ZNF385D: variants seen among roughly 807,000 people sequenced by gnomAD.
ZNF385D encodes the protein zinc finger protein 385D.
Under a neutral mutation model 35.8 loss-of-function variants are expected in ZNF385D, and 15 were observed. The ratio of observed to expected loss-of-function variants is 0.42; its 90% CI spans 0.28 to 0.64. The LOEUF (loss-of-function observed/expected upper bound fraction) is 0.64, where lower values mean the gene tolerates loss of function less well. Among genes scored for constraint, ZNF385D ranks in the 30% least tolerant of loss-of-function variants. The pLI, the probability that ZNF385D is intolerant of heterozygous loss-of-function variation, is 0.23. For synonymous variants in ZNF385D, 212 were observed against 186.8 expected (o/e 1.13, Z -1.10); for missense variants, 474 against 494.6 (o/e 0.96, Z 0.39).
At chr3:22,244,752 T>C (rs904532785) in intron 2 of ZNF385D, among the ~76,000 whole-genome samples, 2 of 151,076 alleles carry the variant, frequency 1.3e-5, no homozygotes, top group African/African-American at 4.9e-5. Flanking sequence ...CTCAGGTATA[T>C]TAAAAAGTAT....
intron 3 of ZNF385D, among the ~76,000 whole-genome samples, chr3:21,988,896 A>G (rs1417430946): frequency 6.6e-6 from 1 of 152,184 alleles, no homozygotes; most frequent in Non-Finnish European, 1.5e-5. Context: ...AGCCGGTCTG[A>G]AAAGTGCAAT....
At position 21,509,841 on chromosome 3, in the gene ZNF385D, C is replaced by A. The variant is rs187441911; in HGVS notation, c.439+1020G>T. 5.9e-5 allele frequency among the ~76,000 whole-genome samples: 9 copies of A among 152,304 alleles called. No homozygotes were observed. In the East Asian group the frequency reaches 1.7e-3, roughly 29 times the overall value. On this transcript the variant is annotated intron_variant, in intron 4 of 7. Coordinates refer to ENST00000281523, the MANE Select transcript of ZNF385D (RefSeq NM_024697.3). ...GAACTAAGAATATCATTATCCCTTA[C>A]AGATTCACTTGCAGCATCCCCAGTC... is the stretch of plus-strand genomic sequence containing the variant.
chr3:21,595,488 TAATA>T (rs2064103428), intron 2 of ZNF385D, among the ~76,000 whole-genome samples: 1 of 143,768 alleles, frequency 7.0e-6, no homozygotes, highest in South Asian at 2.1e-4. Context: ...TATGTTTATG[TAATA>T]TATATGTATG....
At chr3:21,561,832 A>T (rs1448152083) in intron 3 of ZNF385D, 1 of 152,232 alleles carries the variant, frequency 6.6e-6, no homozygotes, top group African/African-American at 2.4e-5. Context: ...CATAACAGAT[A>T]TAGTAAAAAT....
intron 3 of ZNF385D, among the ~76,000 whole-genome samples, chr3:21,921,875 G>T (rs991075230): frequency 2.0e-5 from 3 of 148,292 alleles, no homozygotes; most frequent in African/African-American, 4.9e-5. Flanking sequence ...ACCAAAAGAT[G>T]CCCTAGAACA....
intron 3 of ZNF385D, among the ~76,000 whole-genome samples, chr3:21,903,043 T>C (rs1017665767): frequency 6.6e-6 from 1 of 152,124 alleles, no homozygotes; most frequent in Non-Finnish European, 1.5e-5. Context: ...GGCATGGTGA[T>C]TTGTAAGTAA....
At chr3:22,209,504 T>C (rs987150291) in intron 2 of ZNF385D, among the ~76,000 whole-genome samples, 2 of 151,898 alleles carry the variant, frequency 1.3e-5, no homozygotes, top group African/African-American at 4.8e-5. Context: ...TTAGTGTATT[T>C]ATATACTAAA....
At chr3:21,685,946 C>T (rs1323498025) in intron 1 of ZNF385D, among the ~76,000 whole-genome samples, 1 of 151,926 alleles carries the variant, frequency 6.6e-6, no homozygotes, top group Non-Finnish European at 1.5e-5. Context: ...ATGGGTGAAC[C>T]GGGAAAGAAG....
rs554080637 is a variant in ZNF385D at position 21,878,939 on chromosome 3, C to G, written c.326-213911G>C. Among the ~76,000 whole-genome samples the G allele has an allele frequency of 7.9e-5, 12 of 152,100 alleles. No homozygotes were observed. In the South Asian group the frequency reaches 2.5e-3, roughly 31 times the overall value. ...ATTTAGGTTCATACAAACCCTAAAG[C>G]TATTTTATAAAAAGAGCCATGTACA... On this transcript the variant is annotated intron_variant, in intron 3 of 5. Coordinates refer to the ZNF385D transcript ENST00000494108.
intron 3 of ZNF385D, among the ~76,000 whole-genome samples, chr3:21,795,281 C>A (rs1230496275): frequency 1.3e-5 from 2 of 152,156 alleles, no homozygotes; most frequent in Non-Finnish European, 2.9e-5. Context: ...CCCATTGGAC[C>A]TCTAATAACG....
intron 3 of ZNF385D, among the ~76,000 whole-genome samples, chr3:22,021,272 C>A (rs549748662): frequency 6.6e-6 from 1 of 152,038 alleles, no homozygotes; most frequent in East Asian, 1.9e-4. Flanking sequence ...AAAGACTCAA[C>A]ATGTGAAGCA....
At chr3:21,879,433 C>G (rs1698155176) in intron 3 of ZNF385D, among the ~76,000 whole-genome samples, 2 of 151,914 alleles carry the variant, frequency 1.3e-5, no homozygotes, top group African/African-American at 4.8e-5. Context: ...GCATTAAGAA[C>G]AGTTATGTCA....
chr3:21,889,159 G>A (rs1358475716), intron 3 of ZNF385D, among the ~76,000 whole-genome samples: 2 of 152,178 alleles, frequency 1.3e-5, no homozygotes, highest in African/African-American at 4.8e-5. Flanking sequence ...AACTAGCTGA[G>A]GCTGCTTGTA....
At chr3:21,951,138 G>T (rs947857869) in intron 3 of ZNF385D, among the ~76,000 whole-genome samples, 1 of 151,746 alleles carries the variant, frequency 6.6e-6, no homozygotes, top group African/African-American at 2.4e-5. Context: ...ACTTTGGGCA[G>T]TATGGCCATT....
At chr3:22,106,636 A>G (rs1341012352) in intron 3 of ZNF385D, among the ~76,000 whole-genome samples, 1 of 152,154 alleles carries the variant, frequency 6.6e-6, no homozygotes, top group South Asian at 2.1e-4. Context: ...CAGAAAGCCA[A>G]GCCGTCAACC....
intron 2 of ZNF385D, among the ~76,000 whole-genome samples, chr3:22,253,271 A>G (rs374267716): frequency 2.6e-4 from 40 of 152,118 alleles, no homozygotes; most frequent in South Asian, 1.0e-3. Context: ...AGGATGGGAA[A>G]AAGTTAGGAC....
intron 3 of ZNF385D, among the ~76,000 whole-genome samples, chr3:21,513,392 TAAAATGC>T (rs1000509005): frequency 3.9e-5 from 6 of 152,080 alleles, no homozygotes; most frequent in African/African-American, 7.2e-5. Context: ...CTTAATATCT[TAAAATGC>T]AAAATGCAAA....
chr3:21,992,491 C>T (rs1286883183), intron 3 of ZNF385D, among the ~76,000 whole-genome samples: 1 of 151,950 alleles, frequency 6.6e-6, no homozygotes, highest in East Asian at 1.9e-4. Flanking sequence ...TCAACTCTTC[C>T]CGTGGTGCAA....
At chr3:22,079,763 G>C (rs2125580387) in intron 3 of ZNF385D, among the ~76,000 whole-genome samples, 1 of 151,950 alleles carries the variant, frequency 6.6e-6, no homozygotes, top group East Asian at 1.9e-4. Context: ...TAAAATTATA[G>C]CAAATAGTAT....
Sources: gnomAD v4.1 joint callset for allele counts (sites outside exome capture counted in the v4.1 genomes callset) on GRCh38, gnomAD v4.1.1 for gene constraint, MANE v1.5 for transcripts, NCBI Gene and HGNC (gene_info 2026-07-23, HGNC 2026-07-21) for gene names.